PIK3C2G: variants seen among roughly 807,000 people sequenced by gnomAD.
PIK3C2G encodes the protein phosphatidylinositol 3-kinase C2 domain-containing subunit gamma.
A neutral mutation model predicts 181.1 loss-of-function variants in PIK3C2G; 168 were observed. The ratio of observed to expected loss-of-function variants is 0.93; its 90% confidence interval spans 0.82 to 1.05. PIK3C2G has a LOEUF of 1.05. PIK3C2G is among the 50% of genes least tolerant of loss of function. The pLI, the probability that PIK3C2G is intolerant of heterozygous loss-of-function variation, is 0.00. For synonymous variants in PIK3C2G, 573 were observed against 592.2 expected (o/e 0.97, Z 0.47); for missense variants, 1,869 against 1,732.8 (o/e 1.08, Z -1.40).
chr12:18,710,694 G>C, the PIK3C2G span, among the ~76,000 whole-genome samples: 2 of 152,170 alleles, frequency 1.3e-5, no homozygotes, highest in East Asian at 3.9e-4. Context: ...AGTAAAAATG[G>C]GCAGAGATAG....
At chr12:18,417,303 G>A (rs118131618) in intron 16 of PIK3C2G, among the ~76,000 whole-genome samples, 146 of 152,292 alleles carry the variant, frequency 9.6e-4, no homozygotes, top group Admixed American at 2.8e-3. Flanking sequence ...TGCGAACATT[G>A]TTGACATGAT....
At chr12:18,384,498 G>A (rs1276602113) in intron 14 of PIK3C2G, among the ~76,000 whole-genome samples, 1 of 152,112 alleles carries the variant, frequency 6.6e-6, no homozygotes, top group South Asian at 2.1e-4. Flanking sequence ...AACCACCTTA[G>A]CTTAATGAAA....
At chr12:18,481,573 T>A (rs888726016) in intron 18 of PIK3C2G, among the ~76,000 whole-genome samples, 6 of 152,224 alleles carry the variant, frequency 3.9e-5, no homozygotes, top group Admixed American at 3.9e-4. Context: ...TTAATTATCA[T>A]GACAACTAAT....
At chr12:18,536,712 T>A (rs1236201605) in intron 24 of PIK3C2G, among the ~76,000 whole-genome samples, 1 of 152,096 alleles carries the variant, frequency 6.6e-6, no homozygotes, top group Non-Finnish European at 1.5e-5. Flanking sequence ...ATGCTATATC[T>A]CATGTTTTCA....
chr12:18,483,289 C>T (rs752718476), intron 18 of PIK3C2G, among the ~76,000 whole-genome samples: 1 of 152,078 alleles, frequency 6.6e-6, no homozygotes, highest in Non-Finnish European at 1.5e-5. Flanking sequence ...TTGCCTTTGC[C>T]CTGTTGCACT....
intron 26 of PIK3C2G, among the ~76,000 whole-genome samples, chr12:18,559,118 G>T (rs1017340269): frequency 2.6e-5 from 4 of 152,202 alleles, no homozygotes; most frequent in African/African-American, 9.6e-5. Context: ...CTGGGGAGGA[G>T]CACTGGCCTC....
At chr12:18,313,680 C>T (rs1008169351) in intron 5 of PIK3C2G, among the ~76,000 whole-genome samples, 1 of 151,970 alleles carries the variant, frequency 6.6e-6, no homozygotes, top group Non-Finnish European at 1.5e-5. Flanking sequence ...GGTGTCTAAT[C>T]ATTTAATCAT....
At chr12:18,700,327 G>A in the PIK3C2G span, among the ~76,000 whole-genome samples, 1 of 151,448 alleles carries the variant, frequency 6.6e-6, no homozygotes, top group African/African-American at 2.4e-5. Flanking sequence ...TTCACAACCT[G>A]GCATCTATTT....
At chr12:18,350,645 C>T (rs1344668125) in intron 11 of PIK3C2G, among the ~76,000 whole-genome samples, 3 of 152,084 alleles carry the variant, frequency 2.0e-5, no homozygotes, top group Admixed American at 1.3e-4. Context: ...CTTGGCTCAT[C>T]GTATTAGCAC....
chr12:18,424,460 C>A (rs1945674361), intron 18 of PIK3C2G, among the ~76,000 whole-genome samples: 1 of 152,166 alleles, frequency 6.6e-6, no homozygotes, highest in South Asian at 2.1e-4. Flanking sequence ...CTAATGTATA[C>A]TCATTCTGTT....
chr12:18,375,515 A>G (rs1942373239), intron 13 of PIK3C2G, among the ~76,000 whole-genome samples: 1 of 152,234 alleles, frequency 6.6e-6, no homozygotes, highest in Non-Finnish European at 1.5e-5. Context: ...CTTAAAAGGG[A>G]AGCAGAGTGT....
intron 1 of PIK3C2G, among the ~76,000 whole-genome samples, chr12:18,252,146 G>T (rs1339613669): frequency 6.6e-6 from 1 of 152,064 alleles, no homozygotes; most frequent in South Asian, 2.1e-4. Flanking sequence ...TATAGAAAAA[G>T]GTTATTACAA....
At chr12:18,675,421 G>A in the PIK3C2G span, among the ~76,000 whole-genome samples, 2 of 152,148 alleles carry the variant, frequency 1.3e-5, no homozygotes, top group Non-Finnish European at 2.9e-5. Context: ...ACTGCTGGTG[G>A]GAATGTAAAT....
At chr12:18,585,157 A>T (rs538408919) in intron 29 of PIK3C2G, among the ~76,000 whole-genome samples, 1 of 152,314 alleles carries the variant, frequency 6.6e-6, no homozygotes, top group African/African-American at 2.4e-5. Context: ...ATAACCAGCT[A>T]ACAATACAAT....
chr12:18,723,279 T>C, the PIK3C2G span: 5 of 1,551,480 alleles, frequency 3.2e-6, no homozygotes, highest in Middle Eastern at 1.7e-4. Flanking sequence ...CACATATAAA[T>C]ATTCCGATAA....
intron 5 of PIK3C2G, among the ~76,000 whole-genome samples, chr12:18,297,795 T>A (rs1216146893): frequency 6.6e-6 from 1 of 152,026 alleles, no homozygotes; most frequent in Non-Finnish European, 1.5e-5. Context: ...ATATTTTGGC[T>A]TGTTTTACTT....
At chr12:18,697,201 A>C in the PIK3C2G span, among the ~76,000 whole-genome samples, 2 of 152,040 alleles carry the variant, frequency 1.3e-5, no homozygotes, top group African/African-American at 4.8e-5. Flanking sequence ...GGCTCACTTC[A>C]TTTGCTAAAC....
At chr12:18,485,734 T>C (rs1446130335) in intron 18 of PIK3C2G, among the ~76,000 whole-genome samples, 1 of 152,192 alleles carries the variant, frequency 6.6e-6, no homozygotes, top group African/African-American at 2.4e-5. Flanking sequence ...AGTCTTTTAA[T>C]AGCAAGTCTT....
At chr12:18,642,098 T>C (rs1226665181) in intron 32 of PIK3C2G, among the ~76,000 whole-genome samples, 1 of 152,298 alleles carries the variant, frequency 6.6e-6, no homozygotes, top group East Asian at 1.9e-4. Flanking sequence ...GAATGTCTCA[T>C]AGGCACTTTT....
Sources: gnomAD v4.1 joint callset for allele counts (sites outside exome capture counted in the v4.1 genomes callset) on GRCh38, gnomAD v4.1.1 for gene constraint, MANE v1.5 for transcripts, NCBI Gene and HGNC (gene_info 2026-07-23, HGNC 2026-07-21) for gene names.